The following DLGAP2 variants were observed in gnomAD, a reference collection of about 807,000 sequenced individuals.
DLGAP2 encodes DLG associated protein 2.
DLGAP2 carries 26 observed loss-of-function variants against 100.3 expected under a neutral mutation model. That is an observed-to-expected ratio of 0.26 (90% CI 0.19 to 0.36). The LOEUF (loss-of-function observed/expected upper bound fraction) is 0.36. Among genes scored for constraint, DLGAP2 ranks in the 10% least tolerant of loss-of-function variants. The pLI, the probability that DLGAP2 is intolerant of heterozygous loss-of-function variation, is 1.00. For missense variants in DLGAP2, 1,858 were observed against 1,453.2 expected, an observed-to-expected ratio of 1.28 and a Z score of -4.53; for synonymous variants, 886 against 630.1, an observed-to-expected ratio of 1.41 and a Z score of -6.08.
At chr8:1,321,275 C>T (rs1006695470) in intron 3 of DLGAP2, among the ~76,000 whole-genome samples, 2 of 151,270 alleles carry the variant, frequency 1.3e-5, no homozygotes, top group African/African-American at 2.4e-5. Context: ...TGTGCGTGTG[C>T]GTGCATCTGT....
intron 3 of DLGAP2, among the ~76,000 whole-genome samples, chr8:1,455,741 A>T (rs548702534): frequency 8.5e-5 from 13 of 152,268 alleles, no homozygotes; most frequent in African/African-American, 3.1e-4. Context: ...CATCCTCCAG[A>T]GGCACTTCCT....
chr8:1,533,337 A>G (rs2130461865), intron 4 of DLGAP2, among the ~76,000 whole-genome samples: 1 of 152,086 alleles, frequency 6.6e-6, no homozygotes, highest in East Asian at 1.9e-4. Flanking sequence ...TCTCTACTAA[A>G]AATACAAACA....
rs1213052310 is a variant in DLGAP2, at chr8:1,316,058, C to T, written c.106+57175C>T. The stretch of plus-strand genomic sequence containing the variant: ...CACTTGGCAGCTTTTAAAAATAGAG[C>T]GTGTGTGAGTGCAGCGTCTCTCCCA... On this transcript the variant is annotated intron_variant, in intron 3 of 14. Transcript: ENST00000637795. 3.0e-5 allele frequency among the ~76,000 whole-genome samples: 4 copies of T among 135,426 alleles called. 1 individual carries two copies. Among genetic ancestry groups the T allele is most frequent in the Admixed American group, 1.5e-4 (2 of 13,166 alleles). 88.8% of individuals were successfully genotyped at this position (135,426 alleles called of 152,430 possible).
At position 1,547,795 on chromosome 8, in the gene DLGAP2, G is replaced by A. The variant is rs115703563; in HGVS notation, c.173-831G>A. ...GGGAGGAGTCAAGCGGGATTCCTCT[G>A]GGGAAGGAGGCACAGCTGCCCCCAC... On this transcript the variant is annotated intron_variant, in intron 4 of 14. Transcript: ENST00000637795. 5.5e-3 allele frequency among the ~76,000 whole-genome samples: 838 copies of A among 152,290 alleles called. 9 individuals carry two copies. The highest frequency in any genetic ancestry group is 0.019 in the African/African-American group (785 of 41,566).
intron 2 of DLGAP2, among the ~76,000 whole-genome samples, chr8:1,153,290 A>T (rs1796727774): frequency 6.6e-6 from 1 of 152,200 alleles, no homozygotes; most frequent in African/African-American, 2.4e-5. Context: ...GAAGGAAAAA[A>T]ATCAGCTTTT....
chr8:1,117,575 G>T (rs564661438), intron 2 of DLGAP2, among the ~76,000 whole-genome samples: 1 of 152,330 alleles, frequency 6.6e-6, no homozygotes, highest in South Asian at 2.1e-4. Context: ...ACAGGCTCAT[G>T]GTGGGAAGAT....
At chr8:861,289 G>C (rs779599978) in intron 1 of DLGAP2, among the ~76,000 whole-genome samples, 6 of 152,196 alleles carry the variant, frequency 3.9e-5, no homozygotes, top group East Asian at 1.9e-4. Context: ...GCGTAGGTTA[G>C]GTACAGACAC....
At chr8:737,955 G>C (rs1208994729) in intron 1 of DLGAP2, 130 bp downstream of exon 1, 5 of 344,366 alleles carry the variant, frequency 1.5e-5, no homozygotes, top group South Asian at 2.7e-4. Context: ...GGGCGAGCGG[G>C]GGTCGTGCCG....
chr8:824,564 A>T (rs1319419464), intron 1 of DLGAP2, among the ~76,000 whole-genome samples: 1 of 145,398 alleles, frequency 6.9e-6, no homozygotes, highest in Non-Finnish European at 1.5e-5. Flanking sequence ...CCCCACCCCC[A>T]CCTGTGTTCC....
intron 2 of DLGAP2, among the ~76,000 whole-genome samples, chr8:1,078,480 A>C (rs1040987180): frequency 6.6e-6 from 1 of 152,178 alleles, no homozygotes. Context: ...TTTTTGGCAC[A>C]TGTGGAATGG....
chr8:947,207 G>C (rs1369279355), intron 2 of DLGAP2, among the ~76,000 whole-genome samples: 4 of 152,138 alleles, frequency 2.6e-5, no homozygotes, highest in African/African-American at 7.2e-5. Context: ...CCAGGAGCCC[G>C]GGGAGCTGCA....
chr8:1,263,201 A>G (rs1414613776), intron 3 of DLGAP2, among the ~76,000 whole-genome samples: 1 of 152,194 alleles, frequency 6.6e-6, no homozygotes, highest in East Asian at 1.9e-4. Context: ...GAAGCAATAG[A>G]TGATTGTGAT....
At chr8:1,535,188 G>A (rs921294087) in intron 4 of DLGAP2, among the ~76,000 whole-genome samples, 3 of 152,192 alleles carry the variant, frequency 2.0e-5, no homozygotes, top group South Asian at 2.1e-4. Flanking sequence ...GGTAGTGGCC[G>A]CCTCTGTGAA....
intron 1 of DLGAP2, chr8:753,545 C>T (rs958299402): frequency 1.3e-5 from 2 of 152,220 alleles, no homozygotes; most frequent in Non-Finnish European, 2.9e-5. Context: ...ATGAGAAGTT[C>T]TCCGCGAGGC....
intron 1 of DLGAP2, among the ~76,000 whole-genome samples, chr8:869,773 A>G (rs1022638200): frequency 5.9e-5 from 9 of 152,210 alleles, no homozygotes; most frequent in African/African-American, 1.9e-4. Flanking sequence ...AATCTGGGTC[A>G]CAGAAGCTGG....
intron 3 of DLGAP2, among the ~76,000 whole-genome samples, chr8:1,415,680 T>A (rs1042526717): frequency 6.6e-6 from 1 of 152,222 alleles, no homozygotes; most frequent in Non-Finnish European, 1.5e-5. Flanking sequence ...TCGTGGTGTA[T>A]AGGTAGCACT....
rs116608047 is a variant in DLGAP2 at position 1,460,707 on chromosome 8, C to G, written c.107-40659C>G. Among the ~76,000 whole-genome samples, 626 of 152,256 alleles carry G rather than the reference C, an allele frequency of 4.1e-3. 4 individuals carry two copies. The highest frequency in any genetic ancestry group is 0.014 in the African/African-American group (580 of 41,542). On this transcript the variant is annotated intron_variant, in intron 3 of 14. Transcript: ENST00000637795. ...CATTTTCTCAACTTTAAAGAGATAA[C>G]TCATAATTTGTTTTGTGGCACAGTC...
chr8:1,684,895 G>A (rs1725276050), intron 12 of DLGAP2, among the ~76,000 whole-genome samples: 1 of 152,106 alleles, frequency 6.6e-6, no homozygotes. Context: ...GTACACACAG[G>A]ATCTTTCAAA....
At chr8:1,135,660 T>C (rs9314425) in intron 2 of DLGAP2, among the ~76,000 whole-genome samples, 43,991 of 152,044 alleles carry the variant, frequency 0.29, 6,774 homozygotes, top group Middle Eastern at 0.44. Context: ...TGTCAGAAAG[T>C]GTGCTTTCCA....
Sources: allele counts gnomAD v4.1 joint callset (sites outside exome capture counted in the v4.1 genomes callset), GRCh38; gene constraint gnomAD v4.1.1; transcripts MANE v1.5; gene names NCBI Gene and HGNC (gene_info 2026-07-23, HGNC 2026-07-21).